The following INPP4A variants were observed in gnomAD, a reference collection of about 807,000 sequenced individuals.
The protein encoded by INPP4A is inositol polyphosphate-4-phosphatase type I A, also known as inositol polyphosphate-4-phosphatase, type I, 107kD.
In INPP4A, 33 loss-of-function variants were observed where a neutral mutation model predicts 119.8. The ratio of observed to expected loss-of-function variants is 0.28; its 90% CI spans 0.21 to 0.37. The LOEUF is 0.37. INPP4A is among the 10% of genes least tolerant of loss of function. The probability of loss-of-function intolerance (pLI) is 1.00; values close to 1 mark genes in which losing one functional copy is unlikely to be tolerated. For missense variants in INPP4A, 956 were observed against 1,289.9 expected, an observed-to-expected ratio of 0.74 and a Z score of 3.97; for synonymous variants, 496 against 500.7, an observed-to-expected ratio of 0.99 and a Z score of 0.12.
intron 1 of INPP4A, among the ~76,000 whole-genome samples, chr2:98,448,068 A>T (rs920621318): frequency 6.6e-6 from 1 of 150,666 alleles, no homozygotes; most frequent in African/African-American, 2.4e-5. Flanking sequence ...AAAAAAAAAA[A>T]ATCATGGCCG....
chr2:98,581,519 A>T lies in INPP4A; in HGVS notation c.2786+4376A>T, dbSNP rs1699303024. On this transcript the variant is annotated intron_variant, in intron 24 of 24. Coordinates refer to ENST00000409851, the MANE Select transcript of INPP4A (RefSeq NM_001134225.2). Reference sequence around the variant, plus strand: ...TCGCATGTGTCTTCTTTTTTTCTTTATTTTCTTTCCTTTCCTTTTTCCTTT... The same window carrying T: ...TCGCATGTGTCTTCTTTTTTTCTTTTTTTTCTTTCCTTTCCTTTTTCCTTT... 1.3e-5 allele frequency: 18 copies of T among 1,438,274 alleles called. No individual in the cohort carries two copies. In the Admixed American group the frequency reaches 1.3e-4, roughly 11 times the overall value. 89.1% of individuals were successfully genotyped at this position (1,438,274 alleles called of 1,614,324 possible).
chr2:98,545,882 C>T (rs1332632922), intron 11 of INPP4A, 87 bp from the exon 12 acceptor site: 6 of 895,658 alleles, frequency 6.7e-6, no homozygotes, highest in African/African-American at 3.4e-5. Context: ...TATGCCACAG[C>T]ATCCTCTGAA....
rs1692555848 is a variant in INPP4A at position 98,546,793 on chromosome 2, C to T, written c.1163+99C>T. Reference sequence around the variant, plus strand: ...AAAATATGACCGCAAAAACACCCAGCCATCTGATCTGCTTTTGCGTGGCAG... The same window carrying T: ...AAAATATGACCGCAAAAACACCCAGTCATCTGATCTGCTTTTGCGTGGCAG... On this transcript the variant is annotated intron_variant, in intron 13 of 24. Transcript: ENST00000409851. This position sits in a 1 kb window ranked among gnomAD's most constrained non-coding sequence, Gnocchi z 4.2. 1.3e-6 allele frequency: 1 copy of T among 772,962 alleles called. No homozygotes were observed. The highest frequency in any genetic ancestry group is 1.6e-5 in the South Asian group (1 of 64,152). 47.9% of individuals were successfully genotyped at this position (772,962 alleles called of 1,614,324 possible).
At chr2:98,485,874 A>T (rs999237088) in intron 1 of INPP4A, among the ~76,000 whole-genome samples, 5 of 152,224 alleles carry the variant, frequency 3.3e-5, no homozygotes, top group African/African-American at 1.2e-4. Flanking sequence ...ACTTAAATTG[A>T]GTATTTTTCT....
intron 1 of INPP4A, among the ~76,000 whole-genome samples, chr2:98,487,476 C>T (rs1254330009): frequency 2.6e-5 from 4 of 152,196 alleles, no homozygotes; most frequent in Non-Finnish European, 5.9e-5. Context: ...AAGCAATTAG[C>T]CTGCCTCAGC....
chr2:98,538,012 G>A (rs574296956), intron 8 of INPP4A, 38 bp downstream of exon 8: 4 of 1,346,698 alleles, frequency 3.0e-6, no homozygotes, highest in East Asian at 4.8e-5. Context: ...CTTAGAAAGA[G>A]CAAGGGAATT....
intron 1 of INPP4A, among the ~76,000 whole-genome samples, chr2:98,475,485 C>T (rs1677022996): frequency 6.6e-6 from 1 of 152,180 alleles, no homozygotes; most frequent in Admixed American, 6.5e-5. Flanking sequence ...GGAGAGGGAG[C>T]ATAAGCCTTG....
chr2:98,491,027 CAG>C (rs1325498182), intron 1 of INPP4A, among the ~76,000 whole-genome samples: 2 of 152,064 alleles, frequency 1.3e-5, no homozygotes, highest in Admixed American at 1.3e-4. Context: ...TAAATGTTGA[CAG>C]AGAAAAAAAT....
chr2:98,461,182 A>G (rs1377801048), intron 1 of INPP4A, among the ~76,000 whole-genome samples: 3 of 152,190 alleles, frequency 2.0e-5, no homozygotes, highest in Non-Finnish European at 2.9e-5. Flanking sequence ...GGGTTGGCTC[A>G]TGGTTCTGCC....
chr2:98,507,206 C>A (rs1558967825), intron 1 of INPP4A, among the ~76,000 whole-genome samples: 1 of 152,228 alleles, frequency 6.6e-6, no homozygotes, highest in Non-Finnish European at 1.5e-5. Context: ...CTGATCCTTT[C>A]TGTAAAACAG....
intron 4 of INPP4A, among the ~76,000 whole-genome samples, chr2:98,532,166 A>G (rs1054315842): frequency 2.2e-4 from 34 of 152,230 alleles, no homozygotes; most frequent in African/African-American, 7.7e-4. Context: ...TCCTCAAAAC[A>G]TGCCAAGGTA....
chr2:98,488,336 T>C (rs897463031), intron 1 of INPP4A, among the ~76,000 whole-genome samples: 8 of 152,162 alleles, frequency 5.3e-5, no homozygotes, highest in Admixed American at 4.6e-4. Context: ...TAATCTCAAT[T>C]TATGTGTACT....
intron 17 of INPP4A, among the ~76,000 whole-genome samples, chr2:98,561,206 C>A (rs578082491): frequency 6.6e-6 from 1 of 152,134 alleles, no homozygotes; most frequent in African/African-American, 2.4e-5. Flanking sequence ...TACCGGTCTG[C>A]GAACATTACG....
chr2:98,520,067 A>C lies in INPP4A; in HGVS notation c.19A>C (p.Ser7Arg). 1 of 1,583,708 alleles carries C rather than the reference A, an allele frequency of 6.3e-7. No individual in the cohort carries two copies. Among genetic ancestry groups the C allele is most frequent in the Non-Finnish European group, 8.6e-7 (1 of 1,163,524 alleles). Residue 7 changes from serine to arginine, a missense_variant, in exon 3 of 25, where the codon AGC becomes CGC. Ser to Arg is a moderately radical substitution (Grantham distance 110). Around this residue, in one of 2 missense-constraint regions of INPP4A, gnomAD observed 652 missense variants for 797.9 expected, o/e 0.82. Coordinates refer to ENST00000409851, the MANE Select transcript of INPP4A (RefSeq NM_001134225.2). The stretch of plus-strand genomic sequence containing the variant: ...TGACATCATGACAGCAAGAGAGCAC[A>C]GCCCTCGCCATGGTGCCAGGGCCCG... MTAREH[S>R]PRHGARARAM...
chr2:98,488,448 C>G (rs1679994168), intron 1 of INPP4A, among the ~76,000 whole-genome samples: 2 of 152,208 alleles, frequency 1.3e-5, no homozygotes, highest in South Asian at 4.1e-4. Context: ...GGGCTTTACC[C>G]ACACAGTTTT....
chr2:98,588,145 C>T lies in INPP4A; in HGVS notation c.*537C>T. 1 of 211,156 alleles carries T rather than the reference C, an allele frequency of 4.7e-6. No individual in the cohort carries two copies. The highest frequency in any genetic ancestry group is 9.6e-6 in the Non-Finnish European group (1 of 104,146). The allele number at this position is 211,156 out of a possible 1,614,324, so 13.1% of individuals were successfully genotyped here. On this transcript the variant is annotated 3_prime_UTR_variant, in exon 25 of 25. Coordinates refer to ENST00000409851, the MANE Select transcript of INPP4A (RefSeq NM_001134225.2). ...AGAATAACGGGTTCTAGTGAATTAT[C>T]CTATCTACACTACCACCTGAAGAAG...
At chr2:98,499,752 A>G (rs899020608) in intron 1 of INPP4A, among the ~76,000 whole-genome samples, 13 of 152,256 alleles carry the variant, frequency 8.5e-5, no homozygotes, top group African/African-American at 2.7e-4. Context: ...TATGTCTCTT[A>G]TCTTCACACA....
At chr2:98,557,844 C>T (rs1479489089) in intron 16 of INPP4A, among the ~76,000 whole-genome samples, 1 of 152,204 alleles carries the variant, frequency 6.6e-6, no homozygotes, top group African/African-American at 2.4e-5. Flanking sequence ...CCAAAAGTCT[C>T]CCATCCCCCT....
Position 98,570,463 on chromosome 2 carries a change from A to G in INPP4A, c.2518+1795A>G, listed in dbSNP as rs895997120. 1.3e-5 allele frequency among the ~76,000 whole-genome samples: 2 copies of G among 152,276 alleles called. No individual in the cohort carries two copies. The highest frequency in any genetic ancestry group is 4.8e-5 in the African/African-American group (2 of 41,558). On this transcript the variant is annotated intron_variant, in intron 22 of 24. Transcript: ENST00000409851. The surrounding 1 kb of genome is among the most constrained non-coding windows in gnomAD (Gnocchi z 4.3). Reference sequence around the variant, plus strand: ...CAAGGAGCTGCTGGTGATCTCTCCCATACAGTCTCACTGTGGTGAGGGCTG... The same window carrying G: ...CAAGGAGCTGCTGGTGATCTCTCCCGTACAGTCTCACTGTGGTGAGGGCTG...
Sources: allele counts gnomAD v4.1 joint callset (sites outside exome capture counted in the v4.1 genomes callset), GRCh38; gene constraint gnomAD v4.1.1; regional missense constraint gnomAD v4.1.1; non-coding constraint Gnocchi (gnomAD v3.1); transcripts MANE v1.5; gene names NCBI Gene and HGNC (gene_info 2026-07-23, HGNC 2026-07-21).